The following STEAP3 variants were observed in gnomAD, a reference collection of about 807,000 sequenced individuals.
STEAP3 encodes the protein metalloreductase STEAP3.
A neutral mutation model predicts 34.9 loss-of-function variants in STEAP3; 35 were observed. The ratio of observed to expected loss-of-function variants is 1.00; its 90% CI spans 0.76 to 1.33. The LOEUF (loss-of-function observed/expected upper bound fraction) is 1.33. Ranked by LOEUF, STEAP3 falls within the 40% of genes most tolerant of loss-of-function variation. The pLI is 0.00. For synonymous variants in STEAP3, 281 were observed against 301.6 expected (o/e 0.93, Z 0.71); for missense variants, 652 against 667.6 (o/e 0.98, Z 0.26).
Position 119,230,950 on chromosome 2 carries a change from G to A in STEAP3, c.-63G>A. ...CTGGTTGGAGACTGAGCCAGAAAGG[G>A]TGGCTCACCTCACGGTGAGGCTGTC... On this transcript the variant is annotated 5_prime_UTR_variant, in exon 2 of 6. The change creates a new upstream start codon in the 5' untranslated region. Transcript: ENST00000393110. 1.2e-6 allele frequency: 2 copies of A among 1,606,880 alleles called. No individual in the cohort carries two copies. The highest frequency in any genetic ancestry group is 1.1e-5 in the South Asian group (1 of 90,944).
intron 1 of STEAP3, among the ~76,000 whole-genome samples, chr2:119,227,076 G>C (rs1379357909): frequency 6.6e-6 from 1 of 152,178 alleles, no homozygotes; most frequent in Non-Finnish European, 1.5e-5. Context: ...CCCACTTCTG[G>C]CAGGATGAGT....
rs563751582 is a variant in STEAP3 at position 119,240,241 on chromosome 2, A to T, written c.23-5248A>T. On this transcript the variant is annotated intron_variant, in intron 2 of 5. Coordinates refer to ENST00000393110, the MANE Select transcript of STEAP3 (RefSeq NM_182915.3). ...CTAATAAATAAACAAAAATTTAAAAAAATTGAAGATAACTGTGGGCTGCTT... is the reference window on the plus strand; with the variant it reads ...CTAATAAATAAACAAAAATTTAAAATAATTGAAGATAACTGTGGGCTGCTT... Among the ~76,000 whole-genome samples the T allele has an allele frequency of 3.9e-5, 6 of 152,394 alleles. No homozygotes were observed. In the South Asian group the frequency reaches 1.2e-3, roughly 32 times the overall value.
intron 5 of STEAP3, among the ~76,000 whole-genome samples, chr2:119,260,483 A>G (rs1677911182): frequency 6.6e-6 from 1 of 151,866 alleles, no homozygotes. Context: ...AGAGACGGGG[A>G]CGGGGTTTAT....
At chr2:119,253,543 A>T (rs1305817378) in intron 4 of STEAP3, among the ~76,000 whole-genome samples, 2 of 152,168 alleles carry the variant, frequency 1.3e-5, no homozygotes, top group Non-Finnish European at 2.9e-5. Context: ...TGCCTATTAA[A>T]GTGTAGTCAC....
rs748187004 is a variant in STEAP3, at chr2:119,247,805, C to A, written c.649C>A (p.Arg217Ser). The A allele has an allele frequency of 5.6e-6, 9 of 1,611,586 alleles. No individual in the cohort carries two copies. Among genetic ancestry groups the A allele is most frequent in the East Asian group, 2.2e-5 (1 of 44,864 alleles). ...SAWEVEAMPL[R>S]LLPAWKVPTL... ...CTGGGAGGTGGAGGCCATGCCCCTG[C>A]GCCTCCTCCCGGCCTGGAAGGTGCC... Residue 217 changes from arginine to serine, a missense_variant, in exon 4 of 6, where the codon CGC (arginine) becomes AGC (serine). Physicochemically the swap from Arg to Ser is moderately radical, Grantham distance 110. Transcript: ENST00000393110.
chr2:119,245,182 A>C, intron 2 of STEAP3: 1 of 393,108 alleles, frequency 2.5e-6, no homozygotes, highest in Non-Finnish European at 4.6e-6. Context: ...TTGGTCATGG[A>C]AATTCCAGAG....
At chr2:119,262,938 A>T in intron 5 of STEAP3, 119 bp from the exon 6 acceptor site, 1 of 1,361,096 alleles carries the variant, frequency 7.3e-7, no homozygotes, top group Admixed American at 1.8e-5. Context: ...TCCAACCCAT[A>T]GCGGTGAGTA....
At chr2:119,249,157 T>G (rs1025799521) in intron 4 of STEAP3, 2 of 152,206 alleles carry the variant, frequency 1.3e-5, no homozygotes, top group African/African-American at 4.8e-5. Flanking sequence ...GTTGTTGTTG[T>G]TGTTGTTCTT....
intron 1 of STEAP3, among the ~76,000 whole-genome samples, chr2:119,229,441 G>C (rs1165669918): frequency 2.0e-5 from 3 of 152,246 alleles, no homozygotes; most frequent in Non-Finnish European, 2.9e-5. Context: ...GCCACGTGCA[G>C]TGAGTGGCCA....
At chr2:119,231,910 G>T (rs566440893) in intron 2 of STEAP3, among the ~76,000 whole-genome samples, 1 of 152,222 alleles carries the variant, frequency 6.6e-6, no homozygotes, top group South Asian at 2.1e-4. Flanking sequence ...GCATCCTCTG[G>T]CCTCTCTGCC....
chr2:119,231,011 G>C lies in STEAP3; in HGVS notation c.-2G>C. 6.2e-7 allele frequency: 1 copy of C among 1,614,214 alleles called. No individual in the cohort carries two copies. The highest frequency in any genetic ancestry group is 1.3e-5 in the African/African-American group (1 of 75,064). Reference sequence around the variant, plus strand: ...AGAGCCTCAGACCCTCACGTCAGCCGGATGTCGCACCAGCCTGCTGTTGGT... The same window carrying C: ...AGAGCCTCAGACCCTCACGTCAGCCCGATGTCGCACCAGCCTGCTGTTGGT... On this transcript the variant is annotated 5_prime_UTR_variant, in exon 2 of 6. Transcript: ENST00000393110.
At chr2:119,241,480 C>A (rs1015566889) in intron 2 of STEAP3, among the ~76,000 whole-genome samples, 6 of 152,256 alleles carry the variant, frequency 3.9e-5, no homozygotes, top group African/African-American at 1.4e-4. Context: ...TTTGGAGGTG[C>A]TTAACGTTTA....
At chr2:119,247,579 C>T in intron 3 of STEAP3, 100 bp from the exon 4 acceptor site, 4 of 1,338,316 alleles carry the variant, frequency 3.0e-6, no homozygotes, top group Non-Finnish European at 4.0e-6. Context: ...TTGAACAAGT[C>T]CCTGCCCCTC....
At chr2:119,255,883 C>T (rs1406828083) in intron 5 of STEAP3, among the ~76,000 whole-genome samples, 1 of 152,178 alleles carries the variant, frequency 6.6e-6, no homozygotes, top group Non-Finnish European at 1.5e-5. Flanking sequence ...GCCTGTGATG[C>T]AATAGAGAAC....
chr2:119,255,088 A>G (rs1677738701), intron 5 of STEAP3, among the ~76,000 whole-genome samples: 1 of 152,218 alleles, frequency 6.6e-6, no homozygotes, highest in Admixed American at 6.5e-5. Flanking sequence ...TGAAAAAATT[A>G]CAGACCAGGA....
At chr2:119,226,867 G>A (rs537478980) in intron 1 of STEAP3, among the ~76,000 whole-genome samples, 1 of 152,254 alleles carries the variant, frequency 6.6e-6, no homozygotes, top group South Asian at 2.1e-4. Flanking sequence ...TTAGGAGGTC[G>A]ATAATGTTAT....
At chr2:119,245,083 T>C in intron 2 of STEAP3, 1 of 184,830 alleles carries the variant, frequency 5.4e-6, no homozygotes, top group East Asian at 1.3e-4. Context: ...CACCCAGCGA[T>C]GGTGAGGTTG....
intron 4 of STEAP3, among the ~76,000 whole-genome samples, chr2:119,251,964 A>C (rs1313390245): frequency 1.3e-5 from 2 of 152,032 alleles, no homozygotes; most frequent in Non-Finnish European, 2.9e-5. Flanking sequence ...ACTACTTCAT[A>C]CCCGACTCAG....
At chr2:119,253,761 G>A (rs1189802373) in intron 4 of STEAP3, among the ~76,000 whole-genome samples, 1 of 151,816 alleles carries the variant, frequency 6.6e-6, no homozygotes, top group Non-Finnish European at 1.5e-5. Flanking sequence ...AAGGTGGGGA[G>A]AGAAGGGTCA....
Sources: allele counts gnomAD v4.1 joint callset (sites outside exome capture counted in the v4.1 genomes callset), GRCh38; gene constraint gnomAD v4.1.1; transcripts MANE v1.5; gene names NCBI Gene and HGNC (gene_info 2026-07-23, HGNC 2026-07-21).